Variants in LRP5 observed in about 807,000 individuals in gnomAD.
The protein encoded by LRP5 is low-density lipoprotein receptor-related protein 5.
Under a neutral mutation model 154.1 loss-of-function variants are expected in LRP5, and 62 were observed. The observed-to-expected ratio is 0.40, with a 90% confidence interval of 0.33 to 0.50. The LOEUF (loss-of-function observed/expected upper bound fraction) is 0.50, where lower values mean the gene tolerates loss of function less well. Among genes scored for constraint, LRP5 ranks in the 20% least tolerant of loss-of-function variants. LRP5 has a pLI of 0.55. For synonymous variants in LRP5, 966 were observed against 1,011.5 expected, an observed-to-expected ratio of 0.96 and a Z score of 0.85; for missense variants, 1,915 against 2,336.7, an observed-to-expected ratio of 0.82 and a Z score of 3.72.
chr11:68,406,396 G>C, intron 8 of LRP5, 128 bp from the exon 9 acceptor site: 1 of 1,001,926 alleles, frequency 1.0e-6, no homozygotes, highest in South Asian at 1.3e-5. Flanking sequence ...CCTGACCCGG[G>C]GGTGAGTCCT....
chr11:68,299,363 C>T, the LRP5 span, among the ~76,000 whole-genome samples: 1 of 152,134 alleles, frequency 6.6e-6, no homozygotes, highest in East Asian at 1.9e-4. Flanking sequence ...AGGAGGGGCC[C>T]AGCGTGCTGA....
upstream of LRP5, among the ~76,000 whole-genome samples, chr11:68,309,697 T>C (rs551877547): frequency 6.6e-6 from 1 of 152,226 alleles, no homozygotes; most frequent in East Asian, 1.9e-4. Context: ...AAACCTGACT[T>C]GAACTTTGGG....
chr11:68,398,193 C>T (rs1468337934), intron 7 of LRP5, among the ~76,000 whole-genome samples: 4 of 152,184 alleles, frequency 2.6e-5, no homozygotes, highest in East Asian at 3.9e-4. Flanking sequence ...TTTGCACAGC[C>T]GAGTCAGAGG....
chr11:68,319,084 T>G (rs2098595227), intron 1 of LRP5, among the ~76,000 whole-genome samples: 1 of 149,270 alleles, frequency 6.7e-6, no homozygotes, highest in South Asian at 2.1e-4. Context: ...TTTTTTTTTT[T>G]TTTTTTTTTT....
upstream of LRP5, among the ~76,000 whole-genome samples, chr11:68,308,858 C>T (rs2098585678): frequency 6.6e-6 from 1 of 151,268 alleles, no homozygotes; most frequent in South Asian, 2.1e-4. Flanking sequence ...AAGTGATTCT[C>T]CCGCCTCAGC....
chr11:68,359,303 G>T (rs1216767030), intron 3 of LRP5, among the ~76,000 whole-genome samples: 2 of 152,186 alleles, frequency 1.3e-5, no homozygotes, highest in Non-Finnish European at 2.9e-5. Flanking sequence ...AGTTTCTCCT[G>T]TTCCTCTTAT....
At chr11:68,435,729 C>T (rs940631542) in intron 18 of LRP5, among the ~76,000 whole-genome samples, 1 of 152,104 alleles carries the variant, frequency 6.6e-6, no homozygotes, top group Non-Finnish European at 1.5e-5. Context: ...CCATGCTATT[C>T]CTATTCTATT....
chr11:68,348,279 G>A (rs749708372), intron 2 of LRP5, 36 bp downstream of exon 2: 9 of 1,599,894 alleles, frequency 5.6e-6, no homozygotes, highest in Non-Finnish European at 6.8e-6. Flanking sequence ...GGTCCAGGGG[G>A]CGGGGAGTGT....
chr11:68,302,356 A>G, the LRP5 span, among the ~76,000 whole-genome samples: 165 of 151,778 alleles, frequency 1.1e-3, no homozygotes, highest in African/African-American at 3.9e-3. Context: ...AAAAAAAAAA[A>G]AAAAAAAAAA....
chr11:68,432,067 C>T (rs1022952150), intron 17 of LRP5, among the ~76,000 whole-genome samples: 4 of 152,212 alleles, frequency 2.6e-5, no homozygotes, highest in African/African-American at 4.8e-5. Context: ...GGGCAAGAGG[C>T]GGCCACAGTC....
At chr11:68,324,999 G>A (rs1036640939) in intron 1 of LRP5, among the ~76,000 whole-genome samples, 2 of 152,216 alleles carry the variant, frequency 1.3e-5, no homozygotes, top group Non-Finnish European at 2.9e-5. Context: ...AGCTCTGGGG[G>A]TCCCTCTGGG....
In LRP5 at chr11:68,406,744, C is replaced by T. The variant is rs748257457; in HGVS notation, c.2022C>T (p.Val674=). The T allele has an allele frequency of 2.0e-5, 32 of 1,614,022 alleles. No homozygotes were observed. In the Admixed American group the frequency reaches 5.2e-4, roughly 26 times the overall value. Residue 674 remains valine, a synonymous_variant, in exon 9 of 23, where the codon GTC becomes GTT. Coordinates refer to ENST00000294304, the MANE Select transcript of LRP5 (RefSeq NM_002335.4). ...NNDVAIPLTG[V]KEASALDFDV... is the part of the protein sequence containing the mutation. ...ACGTGGCCATCCCGCTCACGGGCGT[C>T]AAGGAGGCCTCAGCCCTGGACTTTG... is the stretch of plus-strand genomic sequence containing the variant.
chr11:68,431,874 G>C (rs971457001), intron 17 of LRP5, among the ~76,000 whole-genome samples: 1 of 93,548 alleles, frequency 1.1e-5, no homozygotes, highest in Admixed American at 1.1e-4. Flanking sequence ...CCACCCCCTG[G>C]CCTGGGCCCT....
At chr11:68,356,143 CTTTT>C (rs35481601) in intron 2 of LRP5, among the ~76,000 whole-genome samples, 1 of 133,244 alleles carries the variant, frequency 7.5e-6, no homozygotes, top group Non-Finnish European at 1.6e-5. Context: ...CGCACCCAGC[CTTTT>C]TTTTTTTTTT....
chr11:68,301,638 T>A, the LRP5 span, among the ~76,000 whole-genome samples: 1 of 146,802 alleles, frequency 6.8e-6, no homozygotes, highest in African/African-American at 2.4e-5. Context: ...TTATTTTTTT[T>A]TTGAGATGGA....
chr11:68,443,523 T>G (rs1434575017), intron 21 of LRP5, among the ~76,000 whole-genome samples: 1 of 111,414 alleles, frequency 9.0e-6, no homozygotes, highest in Non-Finnish European at 1.8e-5. Context: ...GAAAAGAAAT[T>G]ATCAATCTCC....
At chr11:68,429,511 C>T in intron 16 of LRP5, 64 bp from the exon 17 acceptor site, 1 of 1,610,086 alleles carries the variant, frequency 6.2e-7, no homozygotes, top group Non-Finnish European at 8.5e-7. Flanking sequence ...CCCTACCCTC[C>T]AGGCTGTGGT....
intron 5 of LRP5, among the ~76,000 whole-genome samples, chr11:68,377,330 C>A (rs190668057): frequency 2.4e-3 from 367 of 152,330 alleles, no homozygotes; most frequent in African/African-American, 8.3e-3. Context: ...TAGAGCTGAG[C>A]AGACAGAGCC....
chr11:68,412,484 A>T (rs530653844), intron 11 of LRP5, among the ~76,000 whole-genome samples: 40 of 152,118 alleles, frequency 2.6e-4, no homozygotes, highest in African/African-American at 8.4e-4. Context: ...CTACAAAAAA[A>T]TTTTTTAAAA....
Sources: allele counts gnomAD v4.1 joint callset (sites outside exome capture counted in the v4.1 genomes callset), GRCh38; gene constraint gnomAD v4.1.1; transcripts MANE v1.5; gene names NCBI Gene and HGNC (gene_info 2026-07-23, HGNC 2026-07-21).